DNAH7: variants seen among roughly 807,000 people sequenced by gnomAD.
DNAH7 encodes the protein axonemal beta dynein heavy chain 7.
A neutral mutation model predicts 444.6 loss-of-function variants in DNAH7; 397 were observed. That is an observed-to-expected ratio of 0.89 (90% CI 0.82 to 0.97). DNAH7 has a LOEUF of 0.97. Among genes scored for constraint, DNAH7 ranks in the 50% least tolerant of loss-of-function variants. DNAH7 has a pLI of 0.00. For synonymous variants in DNAH7, 1,636 were observed against 1,624.4 expected, an observed-to-expected ratio of 1.01 and a Z score of -0.17; for missense variants, 4,902 against 4,800.8, an observed-to-expected ratio of 1.02 and a Z score of -0.62.
Position 195,771,401 on chromosome 2 carries a change from C to T in DNAH7, c.11433+259G>A, listed in dbSNP as rs547208569. Among the ~76,000 whole-genome samples, 29 of 152,062 alleles carry T rather than the reference C, an allele frequency of 1.9e-4. No homozygotes were observed. In the South Asian group the frequency reaches 5.4e-3, roughly 28 times the overall value. On this transcript the variant is annotated intron_variant, in intron 61 of 64. Transcript: ENST00000312428. Reference sequence around the variant, plus strand: ...TATGAAGGCAAGGGCTCATTCCTTACCACACTGTGTCTCCTTAGCATATAT... The same window carrying T: ...TATGAAGGCAAGGGCTCATTCCTTATCACACTGTGTCTCCTTAGCATATAT...
At chr2:195,844,925 C>A in intron 47 of DNAH7, 77 bp downstream of exon 47, 1 of 1,361,102 alleles carries the variant, frequency 7.3e-7, no homozygotes. Context: ...AGTTTGCTAC[C>A]TAAAATTGTT....
At chr2:195,848,422 T>C (rs1182060950) in intron 46 of DNAH7, among the ~76,000 whole-genome samples, 1 of 152,248 alleles carries the variant, frequency 6.6e-6, no homozygotes. Context: ...CAATTTCATT[T>C]CTGATGACAC....
intron 9 of DNAH7, among the ~76,000 whole-genome samples, chr2:196,016,637 G>A (rs1256807702): frequency 6.6e-6 from 1 of 152,208 alleles, no homozygotes; most frequent in Non-Finnish European, 1.5e-5. Context: ...TAGAAACCCT[G>A]TATAATCTCA....
At chr2:195,746,780 G>A (rs1376452881) in intron 63 of DNAH7, among the ~76,000 whole-genome samples, 3 of 152,086 alleles carry the variant, frequency 2.0e-5, no homozygotes, top group African/African-American at 7.2e-5. Flanking sequence ...CAGAAATAAA[G>A]ATGTTCTTTG....
At chr2:195,930,636 A>G (rs1053968841) in intron 21 of DNAH7, among the ~76,000 whole-genome samples, 12 of 152,306 alleles carry the variant, frequency 7.9e-5, no homozygotes, top group African/African-American at 2.9e-4. Context: ...AAAGAACTTA[A>G]AACAGAACTA....
intron 5 of DNAH7, among the ~76,000 whole-genome samples, chr2:196,030,974 G>A (rs922358093): frequency 5.9e-5 from 9 of 152,192 alleles, no homozygotes; most frequent in South Asian, 2.1e-4. Flanking sequence ...TCCACTAGGC[G>A]GTGCCCCAGT....
intron 58 of DNAH7, 73 bp downstream of exon 58, chr2:195,786,937 C>A (rs901023813): frequency 3.5e-6 from 5 of 1,417,766 alleles, no homozygotes; most frequent in Non-Finnish European, 4.7e-6. Context: ...CAGAAGTGCC[C>A]ACTTACTATA....
intron 2 of DNAH7, among the ~76,000 whole-genome samples, chr2:196,052,531 T>A (rs7584116): frequency 0.056 from 8,515 of 152,344 alleles, 375 homozygotes; most frequent in African/African-American, 0.13. Flanking sequence ...TGTTCCACAT[T>A]GTTCTAAGAA....
At chr2:195,888,578 G>A (rs933384758) in intron 32 of DNAH7, 144 bp from the exon 33 acceptor site, 16 of 1,019,878 alleles carry the variant, frequency 1.6e-5, no homozygotes, top group Non-Finnish European at 2.2e-5. Context: ...GTCGATTTTT[G>A]TGTCTGACTT....
At chr2:196,043,916 G>C (rs554178956) in intron 5 of DNAH7, among the ~76,000 whole-genome samples, 1 of 152,004 alleles carries the variant, frequency 6.6e-6, no homozygotes, top group Non-Finnish European at 1.5e-5. Context: ...AGATGTTGGC[G>C]TGGATGTGTT....
intron 17 of DNAH7, among the ~76,000 whole-genome samples, chr2:195,963,597 C>T (rs1691259880): frequency 6.6e-6 from 1 of 152,120 alleles, no homozygotes; most frequent in Admixed American, 6.5e-5. Context: ...CTTTGTTGTG[C>T]AGAAGTTTTT....
intron 5 of DNAH7, among the ~76,000 whole-genome samples, chr2:196,039,707 G>A (rs115074915): frequency 6.6e-6 from 1 of 150,938 alleles, no homozygotes; most frequent in Non-Finnish European, 1.5e-5. Context: ...GTTGAGGCAT[G>A]AGAAGCACTT....
chr2:195,864,325 G>T lies in DNAH7; in HGVS notation c.7330C>A (p.Arg2444=). 1 of 1,614,084 alleles carries T rather than the reference G, an allele frequency of 6.2e-7. No individual in the cohort carries two copies. Among genetic ancestry groups the T allele is most frequent in the Non-Finnish European group, 8.5e-7 (1 of 1,180,020 alleles). The change falls in exon 41 of 65, where the codon CGG becomes AGG. Residue 2444 remains arginine (R), a synonymous_variant. Transcript: ENST00000312428. ...CCATCTGTTTGCTTGGTTTTATCCC[G>T]CTGGCGATCTAACTGACGCATCTTA... ...CDKMRQLDRQ[R]DKTKQTDGSP...
chr2:195,775,814 C>G, intron 60 of DNAH7, 32 bp downstream of exon 60: 1 of 1,600,150 alleles, frequency 6.2e-7, no homozygotes. Flanking sequence ...CTTCCCAGGC[C>G]TCAGAATCCA....
In DNAH7 at chr2:195,810,736, T is replaced by C. The variant is rs553290135; in HGVS notation, c.9762-865A>G. The stretch of plus-strand genomic sequence containing the variant: ...ACAAATTGATGTATCTTATTTTTAA[T>C]TGGGAACTTCAAAAAAAAGGTTTTT... On this transcript the variant is annotated intron_variant, in intron 51 of 64. Transcript: ENST00000312428. 6.6e-5 allele frequency among the ~76,000 whole-genome samples: 10 copies of C among 152,290 alleles called. No individual in the cohort carries two copies. The South Asian group carries it at 1.9e-3, about 28-fold the overall frequency.
intron 18 of DNAH7, among the ~76,000 whole-genome samples, chr2:195,958,996 G>A (rs1690891702): frequency 6.6e-6 from 1 of 152,132 alleles, no homozygotes; most frequent in African/African-American, 2.4e-5. Context: ...AGGAGGCGGA[G>A]GTTGCAGTGA....
At chr2:195,982,849 G>T (rs1692665538) in intron 15 of DNAH7, among the ~76,000 whole-genome samples, 1 of 152,158 alleles carries the variant, frequency 6.6e-6, no homozygotes, top group South Asian at 2.1e-4. Flanking sequence ...TGTGGGGGAT[G>T]TGGTGATGGT....
intron 6 of DNAH7, among the ~76,000 whole-genome samples, chr2:196,027,526 A>G (rs1695766663): frequency 6.6e-6 from 1 of 152,074 alleles, no homozygotes; most frequent in Non-Finnish European, 1.5e-5. Flanking sequence ...AAAAAATTTA[A>G]ATGTCAAAAT....
chr2:196,045,374 G>A (rs1483618846), intron 5 of DNAH7, among the ~76,000 whole-genome samples: 1 of 140,822 alleles, frequency 7.1e-6, no homozygotes, highest in Non-Finnish European at 1.5e-5. Context: ...AGGAGACAGA[G>A]AGAGACAAAG....
Sources: gnomAD v4.1 joint callset for allele counts (sites outside exome capture counted in the v4.1 genomes callset) on GRCh38, gnomAD v4.1.1 for gene constraint, MANE v1.5 for transcripts, NCBI Gene and HGNC (gene_info 2026-07-23, HGNC 2026-07-21) for gene names.